Variants in COL28A1 observed in about 807,000 individuals in gnomAD.
COL28A1 encodes the protein collagen alpha-1(XXVIII) chain.
In COL28A1, 161 loss-of-function variants were observed where a neutral mutation model predicts 150.2. The observed-to-expected ratio is 1.07, with a 90% confidence interval of 0.94 to 1.22. The LOEUF (loss-of-function observed/expected upper bound fraction) is 1.22. Ranked by LOEUF, COL28A1 falls within the 50% of genes most tolerant of loss-of-function variation. COL28A1 has a pLI of 0.00. For synonymous variants in COL28A1, 552 were observed against 469.7 expected, an observed-to-expected ratio of 1.18 and a Z score of -2.26; for missense variants, 1,617 against 1,388.3, an observed-to-expected ratio of 1.16 and a Z score of -2.62.
intron 27 of COL28A1, among the ~76,000 whole-genome samples, chr7:7,401,398 A>T (rs1416289095): frequency 3.9e-5 from 6 of 152,096 alleles, no homozygotes; most frequent in Non-Finnish European, 7.4e-5. Context: ...TGAACTCCAG[A>T]TTTCTATCCC....
chr7:7,491,017 G>A (rs1280517297), intron 11 of COL28A1, among the ~76,000 whole-genome samples: 1 of 152,180 alleles, frequency 6.6e-6, no homozygotes, highest in Non-Finnish European at 1.5e-5. Context: ...ACAAAGTCAA[G>A]TGTTTTCAGG....
chr7:7,530,216 T>C (rs1782270183), intron 3 of COL28A1, among the ~76,000 whole-genome samples: 1 of 152,168 alleles, frequency 6.6e-6, no homozygotes, highest in Admixed American at 6.5e-5. Flanking sequence ...ACCTACATCA[T>C]AAGATTGTGG....
chr7:7,449,372 CT>C lies in COL28A1; in HGVS notation c.1509+2946del, dbSNP rs776117136. 1.0e-3 allele frequency among the ~76,000 whole-genome samples: 156 copies of C among 151,886 alleles called. 1 individual carries two copies. The highest frequency in any genetic ancestry group is 2.2e-4 in the Non-Finnish European group (15 of 67,794). On this transcript the variant is annotated intron_variant, in intron 18 of 34. Coordinates refer to ENST00000399429, the MANE Select transcript of COL28A1 (RefSeq NM_001037763.3). ...GTAATCATTTATATTTAATAAGTAA[CT>C]TTTGGTACAACCAAAAAAGAAGGAA...
chr7:7,381,663 G>C (rs1355575282), intron 27 of COL28A1, 51 bp from the exon 28 acceptor site: 2 of 1,441,334 alleles, frequency 1.4e-6, no homozygotes, highest in Non-Finnish European at 2.0e-6. Context: ...AGGATAGCTT[G>C]GCTATTCTTT....
intron 11 of COL28A1, among the ~76,000 whole-genome samples, chr7:7,498,078 CT>C (rs1780318445): frequency 6.6e-6 from 1 of 152,152 alleles, no homozygotes; most frequent in South Asian, 2.1e-4. Flanking sequence ...ATTTTAGTAA[CT>C]CTTAACTCAC....
At chr7:7,512,779 C>T (rs1781217593) in intron 8 of COL28A1, among the ~76,000 whole-genome samples, 1 of 152,114 alleles carries the variant, frequency 6.6e-6, no homozygotes, top group East Asian at 1.9e-4. Context: ...TTGGATATGT[C>T]AAATGATTTA....
rs376179370 is a variant in COL28A1, at chr7:7,381,563, T to G, written c.2186A>C (p.His729Pro). Residue 729 changes from histidine to proline, a missense_variant, in exon 28 of 35, where the codon CAT (histidine) becomes CCT (proline). Coordinates refer to ENST00000399429, the MANE Select transcript of COL28A1 (RefSeq NM_001037763.3). ...ACTTACCTTCTGGCCTGGGAGGCCA[T>G]GGCCCATTGTGCCCTTTGGGCCTGG... ...GFPGPKGTMG[H>P]GLPGQKGEHG... The G allele has an allele frequency of 6.2e-7, 1 of 1,613,812 alleles. No individual in the cohort carries two copies. The highest frequency in any genetic ancestry group is 8.5e-7 in the Non-Finnish European group (1 of 1,179,676).
chr7:7,432,761 T>A (rs780917400), intron 23 of COL28A1, 61 bp from the exon 24 acceptor site: 12 of 1,346,980 alleles, frequency 8.9e-6, no homozygotes, highest in African/African-American at 1.4e-5. Context: ...CTGGTCAAAC[T>A]TAAGCATAAC....
chr7:7,377,252 A>G (rs559337821), intron 30 of COL28A1, among the ~76,000 whole-genome samples: 178 of 152,278 alleles, frequency 1.2e-3, no homozygotes, highest in Non-Finnish European at 2.2e-3. Flanking sequence ...TTTTTTCTTC[A>G]TGTTCTTTGC....
the COL28A1 span, among the ~76,000 whole-genome samples, chr7:7,338,848 G>A: frequency 2.0e-5 from 3 of 152,076 alleles, no homozygotes; most frequent in Non-Finnish European, 4.4e-5. Context: ...GCTGTGACAG[G>A]GTGATATGCC....
At chr7:7,473,591 A>G (rs773818842) in intron 15 of COL28A1, among the ~76,000 whole-genome samples, 7 of 152,200 alleles carry the variant, frequency 4.6e-5, no homozygotes, top group Non-Finnish European at 8.8e-5. Flanking sequence ...GCTGGTGGGA[A>G]TGTAAACTAG....
At chr7:7,481,392 G>A (rs1431333084) in intron 13 of COL28A1, among the ~76,000 whole-genome samples, 3 of 152,154 alleles carry the variant, frequency 2.0e-5, no homozygotes, top group Admixed American at 2.0e-4. Flanking sequence ...CACTCAGCAT[G>A]GACGATGATC....
intron 18 of COL28A1, among the ~76,000 whole-genome samples, chr7:7,445,767 A>G (rs759278813): frequency 2.3e-4 from 35 of 152,250 alleles, no homozygotes; most frequent in Admixed American, 1.3e-4. Context: ...AAAAAAGCAC[A>G]GTAAATCTAA....
chr7:7,510,593 T>C (rs1781078124), intron 9 of COL28A1, among the ~76,000 whole-genome samples: 1 of 152,216 alleles, frequency 6.6e-6, no homozygotes, highest in Non-Finnish European at 1.5e-5. Flanking sequence ...CCTATATTTA[T>C]TTTTTAAAAT....
At chr7:7,345,090 C>T in the COL28A1 span, among the ~76,000 whole-genome samples, 1 of 151,992 alleles carries the variant, frequency 6.6e-6, no homozygotes, top group African/African-American at 2.4e-5. Flanking sequence ...GTGTGATATA[C>T]TTGCTGAATT....
intron 14 of COL28A1, among the ~76,000 whole-genome samples, chr7:7,475,814 GC>G: frequency 6.6e-6 from 1 of 152,152 alleles, no homozygotes; most frequent in East Asian, 1.9e-4. Context: ...ATGCCAAGTT[GC>G]TGACCTGTCT....
chr7:7,515,943 A>G lies in COL28A1; in HGVS notation c.856-103T>C, dbSNP rs528341960. ...TACAAGGTATAACAAAAACACATCT[A>G]TACAGTCTGGAAAATTAGATCATAG... On this transcript the variant is annotated intron_variant, in intron 7 of 34. Transcript: ENST00000399429. 53 of 674,954 alleles carry G rather than the reference A, an allele frequency of 7.9e-5. No homozygotes were observed. The African/African-American group carries it at 9.7e-4, about 12-fold the overall frequency. 41.8% of individuals were successfully genotyped at this position (674,954 alleles called of 1,614,324 possible). A position where few individuals can be genotyped will look rare whatever the true frequency, so the allele number is the denominator to read the frequency against.
At chr7:7,410,777 G>T (rs536908170) in intron 27 of COL28A1, among the ~76,000 whole-genome samples, 23 of 152,072 alleles carry the variant, frequency 1.5e-4, no homozygotes, top group African/African-American at 5.3e-4. Flanking sequence ...GTACAGCATG[G>T]TTATGAGTTT....
the COL28A1 span, among the ~76,000 whole-genome samples, chr7:7,349,938 T>A: frequency 6.6e-6 from 1 of 152,200 alleles, no homozygotes; most frequent in Non-Finnish European, 1.5e-5. Flanking sequence ...TAGTTCAGTG[T>A]AGCTGAATTG....
Sources: gnomAD v4.1 joint callset for allele counts (sites outside exome capture counted in the v4.1 genomes callset) on GRCh38, gnomAD v4.1.1 for gene constraint, MANE v1.5 for transcripts, NCBI Gene and HGNC (gene_info 2026-07-23, HGNC 2026-07-21) for gene names.